The following DOCK3 variants were observed in gnomAD, a reference collection of about 807,000 sequenced individuals.
The protein encoded by DOCK3 is dedicator of cytokinesis 3, also known as dedicator of cytokinesis protein 3.
DOCK3 carries 60 observed loss-of-function variants against 265.6 expected under a neutral mutation model. The ratio of observed to expected loss-of-function variants is 0.23; its 90% CI spans 0.18 to 0.28. The LOEUF (loss-of-function observed/expected upper bound fraction) is 0.28, where lower values mean the gene tolerates loss of function less well. Among genes scored for constraint, DOCK3 ranks in the 10% least tolerant of loss-of-function variants. The probability of loss-of-function intolerance (pLI) is 1.00; values close to 1 mark genes in which losing one functional copy is unlikely to be tolerated. For missense variants in DOCK3, 1,981 were observed against 2,594.3 expected, an observed-to-expected ratio of 0.76 and a Z score of 5.14; for synonymous variants, 881 against 938.0, an observed-to-expected ratio of 0.94 and a Z score of 1.11.
chr3:51,033,396 T>C (rs535289026), intron 5 of DOCK3, among the ~76,000 whole-genome samples: 2 of 152,324 alleles, frequency 1.3e-5, no homozygotes, highest in Admixed American at 6.5e-5. Context: ...TTGGTCCCCT[T>C]TTGCTTTGAC....
At chr3:50,965,859 G>A (rs186091370) in intron 5 of DOCK3, among the ~76,000 whole-genome samples, 58 of 152,148 alleles carry the variant, frequency 3.8e-4, no homozygotes, top group Non-Finnish European at 2.9e-5. Flanking sequence ...GGATGATTGG[G>A]TATATTATAT....
At chr3:51,292,809 C>T (rs992239821) in intron 27 of DOCK3, among the ~76,000 whole-genome samples, 25 of 152,066 alleles carry the variant, frequency 1.6e-4, no homozygotes, top group Non-Finnish European at 3.7e-4. Flanking sequence ...TCCTGAGTAG[C>T]TGGGTTTACA....
At chr3:51,141,400 A>C (rs1392428210) in intron 9 of DOCK3, among the ~76,000 whole-genome samples, 3 of 151,774 alleles carry the variant, frequency 2.0e-5, no homozygotes, top group Non-Finnish European at 2.9e-5. Context: ...TCATCACAGC[A>C]GTTATAATAA....
At chr3:51,106,994 C>T (rs185213478) in intron 9 of DOCK3, among the ~76,000 whole-genome samples, 11 of 152,294 alleles carry the variant, frequency 7.2e-5, no homozygotes, top group African/African-American at 2.4e-4. Flanking sequence ...GCACCTTGAC[C>T]CCTCCAGTGC....
intron 52 of DOCK3, 98 bp downstream of exon 52, chr3:51,380,305 C>G (rs2088520576): frequency 1.7e-6 from 2 of 1,148,140 alleles, no homozygotes; most frequent in African/African-American, 1.5e-5. Context: ...CTGGAGCCCT[C>G]CCCTTCACCT....
intron 12 of DOCK3, among the ~76,000 whole-genome samples, chr3:51,164,965 G>A (rs1244210580): frequency 2.7e-5 from 3 of 112,508 alleles, no homozygotes; most frequent in East Asian, 3.0e-4. Flanking sequence ...TTTTTGAGAC[G>A]GAGTCTCACT....
In DOCK3 at chr3:50,718,158, A is replaced by G. The variant is rs192991946; in HGVS notation, c.37+42858A>G. 5.9e-5 allele frequency among the ~76,000 whole-genome samples: 9 copies of G among 152,240 alleles called. No individual in the cohort carries two copies. The East Asian group carries it at 1.7e-3, about 29-fold the overall frequency. On this transcript the variant is annotated intron_variant, in intron 1 of 52. Transcript: ENST00000266037. ...CATTATCAGGGCATATAACCTTTAT[A>G]TCCTGTCACTCTAATCTCCATATTT...
chr3:51,338,518 C>G (rs2085015171), intron 36 of DOCK3, 99 bp downstream of exon 36: 1 of 1,383,892 alleles, frequency 7.2e-7, no homozygotes, highest in Non-Finnish European at 1.0e-6. Flanking sequence ...GGCTGCAGGC[C>G]TAAGGGTTTG....
intron 9 of DOCK3, among the ~76,000 whole-genome samples, chr3:51,119,907 C>T (rs2083933217): frequency 6.6e-6 from 1 of 151,994 alleles, no homozygotes; most frequent in African/African-American, 2.4e-5. Context: ...TGGGTTAGAA[C>T]ATGCTCCTTT....
At chr3:50,823,617 TC>T (rs943474905) in intron 2 of DOCK3, among the ~76,000 whole-genome samples, 1 of 152,100 alleles carries the variant, frequency 6.6e-6, no homozygotes, top group African/African-American at 2.4e-5. Flanking sequence ...TTCCCACCTT[TC>T]CCCCCTTGCT....
At position 51,382,383 on chromosome 3, in the gene DOCK3, G is replaced by A. The variant is rs1299126931; in HGVS notation, c.*824G>A. ...GTTTGAGTGGAGGTATGGAGCCAGA[G>A]AGGCTATCCTAGCTACCTTCCTCCT... On this transcript the variant is annotated 3_prime_UTR_variant, in exon 53 of 53. Coordinates refer to ENST00000266037, the MANE Select transcript of DOCK3 (RefSeq NM_004947.5). 4.6e-5 allele frequency: 7 copies of A among 152,602 alleles called. No individual in the cohort carries two copies. Among genetic ancestry groups the A allele is most frequent in the Admixed American group, 4.6e-4 (7 of 15,288 alleles). 9.5% of individuals were successfully genotyped at this position (152,602 alleles called of 1,614,324 possible). A position where few individuals can be genotyped will look rare whatever the true frequency, so the allele number is the denominator to read the frequency against.
At chr3:51,258,371 C>A (rs1308011074) in intron 22 of DOCK3, among the ~76,000 whole-genome samples, 1 of 152,126 alleles carries the variant, frequency 6.6e-6, no homozygotes, top group Non-Finnish European at 1.5e-5. Context: ...CTGCATCTTC[C>A]GGGGCTTGGG....
At chr3:51,057,540 G>A (rs2081251086) in intron 5 of DOCK3, among the ~76,000 whole-genome samples, 1 of 152,200 alleles carries the variant, frequency 6.6e-6, no homozygotes, top group African/African-American at 2.4e-5. Context: ...TGAGGAGCAG[G>A]TCTCTAAGTA....
intron 5 of DOCK3, among the ~76,000 whole-genome samples, chr3:50,989,915 A>G (rs996310315): frequency 3.3e-5 from 5 of 152,224 alleles, no homozygotes; most frequent in Admixed American, 1.3e-4. Flanking sequence ...CAATAAAGTG[A>G]TACAGGAGCT....
At chr3:51,012,840 C>T (rs952091181) in intron 5 of DOCK3, among the ~76,000 whole-genome samples, 7 of 152,132 alleles carry the variant, frequency 4.6e-5, no homozygotes, top group South Asian at 2.1e-4. Flanking sequence ...AGGGTTTGTT[C>T]GTTTCCTTTT....
rs183998348 is a variant in DOCK3, at chr3:51,188,981, A to G, written c.1038-19793A>G. 1.3e-4 allele frequency among the ~76,000 whole-genome samples: 20 copies of G among 152,296 alleles called. No homozygotes were observed. In the East Asian group the frequency reaches 3.7e-3, roughly 28 times the overall value. On this transcript the variant is annotated intron_variant, in intron 12 of 52. Transcript: ENST00000266037. ...GTCAGTAGTGGGATTGCTGGATCAAATGGTAATTCTGTTTTTAGTTTTTTG... is the reference window on the plus strand; with the variant it reads ...GTCAGTAGTGGGATTGCTGGATCAAGTGGTAATTCTGTTTTTAGTTTTTTG...
chr3:51,251,121 T>G (rs893291113), intron 22 of DOCK3, among the ~76,000 whole-genome samples: 1 of 152,178 alleles, frequency 6.6e-6, no homozygotes, highest in African/African-American at 2.4e-5. Context: ...CATGTGGTGT[T>G]TGGTTTTCTG....
intron 32 of DOCK3, among the ~76,000 whole-genome samples, chr3:51,328,663 C>T (rs575416626): frequency 2.7e-4 from 41 of 150,240 alleles, no homozygotes; most frequent in Non-Finnish European, 4.3e-4. Flanking sequence ...TTCTGGTCAT[C>T]GGACTTCAGA....
At chr3:50,754,452 A>G (rs2108333766) in intron 1 of DOCK3, among the ~76,000 whole-genome samples, 1 of 152,280 alleles carries the variant, frequency 6.6e-6, no homozygotes, top group East Asian at 1.9e-4. Flanking sequence ...AATAAATAAG[A>G]AAACTTTTTA....
Sources: gnomAD v4.1 joint callset for allele counts (sites outside exome capture counted in the v4.1 genomes callset) on GRCh38, gnomAD v4.1.1 for gene constraint, MANE v1.5 for transcripts, NCBI Gene and HGNC (gene_info 2026-07-23, HGNC 2026-07-21) for gene names.